Variants in HSD17B2 observed in about 807,000 individuals in gnomAD.
HSD17B2 encodes 17-beta-hydroxysteroid dehydrogenase type 2.
Under a neutral mutation model 26.9 loss-of-function variants are expected in HSD17B2, and 32 were observed. The ratio of observed to expected loss-of-function variants is 1.19; its 90% CI spans 0.90 to 1.60. The LOEUF is 1.60. HSD17B2 is among the 40% of genes most tolerant of loss of function. HSD17B2 has a pLI of 0.00. For synonymous variants in HSD17B2, 246 were observed against 186.7 expected, an observed-to-expected ratio of 1.32 and a Z score of -2.59; for missense variants, 613 against 468.6, an observed-to-expected ratio of 1.31 and a Z score of -2.85.
chr16:82,098,209 T>A lies in HSD17B2; in HGVS notation c.937T>A (p.Leu313Ile). ...GAATTTCCTCCTATTGATCAACTCG[T>A]TAGCCAGCAAGGACTTCTCTCCGGT... Reference protein sequence around the residue: ...QRNFLLLINSLASKDFSPVLR... With the variant: ...QRNFLLLINSIASKDFSPVLR... Residue 313 changes from leucine to isoleucine, a missense_variant, in exon 5 of 5, where the codon TTA becomes ATA. Leu to Ile is a conservative substitution (Grantham distance 5). Coordinates refer to ENST00000199936, the MANE Select transcript of HSD17B2 (RefSeq NM_002153.3). 1.9e-6 allele frequency: 3 copies of A among 1,614,186 alleles called. No individual in the cohort carries two copies. The highest frequency in any genetic ancestry group is 2.5e-6 in the Non-Finnish European group (3 of 1,180,008).
chr16:82,089,774 C>T (rs1904630199), intron 3 of HSD17B2, among the ~76,000 whole-genome samples: 2 of 152,096 alleles, frequency 1.3e-5, no homozygotes, highest in African/African-American at 4.8e-5. Context: ...GTGGCCTTCT[C>T]CCTTGTGCCT....
intron 3 of HSD17B2, among the ~76,000 whole-genome samples, chr16:82,075,217 C>A (rs1163613622): frequency 1.3e-5 from 2 of 151,994 alleles, no homozygotes; most frequent in Middle Eastern, 3.2e-3. Flanking sequence ...GGGAAGCTGG[C>A]TACCGGCTAT....
At chr16:82,083,815 C>T (rs1027500836) in intron 3 of HSD17B2, among the ~76,000 whole-genome samples, 2 of 152,148 alleles carry the variant, frequency 1.3e-5, no homozygotes, top group African/African-American at 2.4e-5. Flanking sequence ...GACTTTTCCC[C>T]ATTGTAATAA....
At chr16:82,071,376 T>C in intron 3 of HSD17B2, 1 of 546,292 alleles carries the variant, frequency 1.8e-6, no homozygotes, top group Non-Finnish European at 3.3e-6. Context: ...TTCTTATATG[T>C]CTTTATAATG....
At chr16:82,058,386 T>C (rs919192320) in intron 1 of HSD17B2, among the ~76,000 whole-genome samples, 1 of 152,132 alleles carries the variant, frequency 6.6e-6, no homozygotes, top group Non-Finnish European at 1.5e-5. Context: ...ATGTTAATAA[T>C]AGGGAAACTG....
In HSD17B2 at chr16:82,062,090, C is replaced by A. The variant is rs189648226; in HGVS notation, c.266-6080C>A. Among the ~76,000 whole-genome samples, 53 of 152,336 alleles carry A rather than the reference C, an allele frequency of 3.5e-4. 1 individual carries two copies. The East Asian group carries it at 0.01, about 29-fold the overall frequency. On this transcript the variant is annotated intron_variant, in intron 1 of 4. Transcript: ENST00000199936. The stretch of plus-strand genomic sequence containing the variant: ...ATATGGTGCCCCCATGTGGCAGTAG[C>A]ATAAATACACTTTGCAACTACATTA...
rs1051704999 is a variant in HSD17B2, at chr16:82,078,070, T to C, written c.664+6943T>C. ...TAAAAAGCTTCTGCACAGTGAAAGA[T>C]ACAATCAACAAAGTGAAGAGACAAC... On this transcript the variant is annotated intron_variant, in intron 3 of 4. Coordinates refer to ENST00000199936, the MANE Select transcript of HSD17B2 (RefSeq NM_002153.3). Among the ~76,000 whole-genome samples the C allele has an allele frequency of 3.9e-5, 6 of 152,242 alleles. No homozygotes were observed. In the East Asian group the frequency reaches 9.7e-4, roughly 25 times the overall value.
intron 3 of HSD17B2, among the ~76,000 whole-genome samples, chr16:82,076,644 G>A (rs982653652): frequency 1.3e-5 from 2 of 152,124 alleles, no homozygotes; most frequent in African/African-American, 2.4e-5. Flanking sequence ...GCGTGATCTC[G>A]GCTCACTGCA....
intron 1 of HSD17B2, among the ~76,000 whole-genome samples, chr16:82,043,566 C>G (rs1913827882): frequency 1.4e-5 from 2 of 141,742 alleles, no homozygotes; most frequent in Admixed American, 6.7e-5. Flanking sequence ...CGCCTGTAGT[C>G]CCAGCTACTC....
chr16:82,054,468 C>A (rs1914205980), intron 1 of HSD17B2, among the ~76,000 whole-genome samples: 2 of 152,236 alleles, frequency 1.3e-5, no homozygotes, highest in African/African-American at 2.4e-5. Flanking sequence ...CTTCAGCCTC[C>A]CAAGTAGCTG....
intron 4 of HSD17B2, chr16:82,093,282 C>T (rs1350730960): frequency 1.3e-5 from 2 of 152,152 alleles, no homozygotes; most frequent in African/African-American, 4.8e-5. Context: ...CATTTATTTG[C>T]TTTTCTTTGT....
intron 1 of HSD17B2, among the ~76,000 whole-genome samples, chr16:82,047,262 C>A (rs1334159431): frequency 2.6e-5 from 4 of 152,166 alleles, no homozygotes; most frequent in African/African-American, 9.7e-5. Flanking sequence ...ACCTGGCTAC[C>A]TTTAGATTAC....
In HSD17B2 at chr16:82,056,547, C is replaced by G. The variant is rs971023809; in HGVS notation, c.266-11623C>G. The G allele has an allele frequency of 2.0e-5, 3 of 152,170 alleles. No individual in the cohort carries two copies. The East Asian group carries it at 5.8e-4, about 29-fold the overall frequency. 9.4% of individuals were successfully genotyped at this position (152,170 alleles called of 1,614,324 possible). On this transcript the variant is annotated intron_variant, in intron 1 of 4. Transcript: ENST00000199936. ...GATCTATGCTGTTGTAAGTCAGGATCGTGGTAACCTGTGAGGGGTGGGGAC... is the reference window on the plus strand; with the variant it reads ...GATCTATGCTGTTGTAAGTCAGGATGGTGGTAACCTGTGAGGGGTGGGGAC...
chr16:82,059,690 A>C (rs750003834), intron 1 of HSD17B2, among the ~76,000 whole-genome samples: 1 of 152,212 alleles, frequency 6.6e-6, no homozygotes, highest in Non-Finnish European at 1.5e-5. Context: ...GAAGACAGGT[A>C]GGAAGATGTG....
At position 82,041,908 on chromosome 16, in the gene HSD17B2, C is replaced by T. The variant is rs148642633; in HGVS notation, c.265+6219C>T. On this transcript the variant is annotated intron_variant, in intron 1 of 4. Coordinates refer to ENST00000199936, the MANE Select transcript of HSD17B2 (RefSeq NM_002153.3). ...CTTCTGAGCTCCTGACTCATATTTC[C>T]AGAATTTTAGCCTGAAACTTTAAAT... 1.3e-3 allele frequency among the ~76,000 whole-genome samples: 192 copies of T among 152,194 alleles called. 2 individuals are homozygous for T. Among genetic ancestry groups the T allele is most frequent in the African/African-American group, 4.5e-3 (186 of 41,508 alleles).
intron 1 of HSD17B2, among the ~76,000 whole-genome samples, chr16:82,065,928 C>G (rs1303258561): frequency 6.6e-6 from 1 of 152,162 alleles, no homozygotes; most frequent in African/African-American, 2.4e-5. Flanking sequence ...ACAGACTTGA[C>G]CACTACTGGT....
chr16:82,070,005 G>A (rs932359751), intron 2 of HSD17B2, among the ~76,000 whole-genome samples: 1 of 152,096 alleles, frequency 6.6e-6, no homozygotes. Context: ...AGAAACACTG[G>A]TTTACGCCAA....
intron 1 of HSD17B2, among the ~76,000 whole-genome samples, chr16:82,039,024 G>A (rs1453843939): frequency 1.3e-5 from 2 of 152,158 alleles, no homozygotes; most frequent in Non-Finnish European, 2.9e-5. Context: ...TGTGGACACT[G>A]GCTGGCAAAG....
chr16:82,074,366 C>T (rs1914765680), intron 3 of HSD17B2, among the ~76,000 whole-genome samples: 1 of 152,246 alleles, frequency 6.6e-6, no homozygotes, highest in Admixed American at 6.5e-5. Flanking sequence ...ACTCAGAAAC[C>T]ACCCAAGGTA....
Sources: gnomAD v4.1 joint callset for allele counts (sites outside exome capture counted in the v4.1 genomes callset) on GRCh38, gnomAD v4.1.1 for gene constraint, MANE v1.5 for transcripts, NCBI Gene and HGNC (gene_info 2026-07-23, HGNC 2026-07-21) for gene names.